Variants in PRELID2 observed in about 807,000 individuals in gnomAD.
PRELID2 encodes PRELI domain containing 2, also known as PRELI domain-containing protein 2.
Under a neutral mutation model 28.4 loss-of-function variants are expected in PRELID2, and 25 were observed. That is an observed-to-expected ratio of 0.88 (90% CI 0.64 to 1.23). PRELID2 has a LOEUF of 1.23. PRELID2 is among the 50% of genes most tolerant of loss of function. The pLI is 0.00. For synonymous variants in PRELID2, 76 were observed against 71.6 expected (o/e 1.06, Z -0.31); for missense variants, 201 against 214.4 (o/e 0.94, Z 0.39).
intron 1 of PRELID2, among the ~76,000 whole-genome samples, chr5:145,650,350 T>A (rs1754269435): frequency 6.6e-6 from 1 of 151,930 alleles, no homozygotes; most frequent in East Asian, 1.9e-4. Context: ...CCTCAGATCT[T>A]TACCTGATCC....
the PRELID2 span, among the ~76,000 whole-genome samples, chr5:145,405,282 A>G: frequency 2.6e-4 from 40 of 152,268 alleles, no homozygotes; most frequent in Middle Eastern, 0.014. Flanking sequence ...ACTTAACAGC[A>G]CTGTTTTTTC....
At chr5:145,338,483 T>A in the PRELID2 span, 1 of 152,250 alleles carries the variant, frequency 6.6e-6, no homozygotes, top group Non-Finnish European at 1.5e-5. Context: ...TTGGTTTTTA[T>A]ACTCCTGTGA....
At chr5:145,291,472 G>T in the PRELID2 span, among the ~76,000 whole-genome samples, 1 of 151,868 alleles carries the variant, frequency 6.6e-6, no homozygotes, top group Admixed American at 6.6e-5. Context: ...GGCAAGGAAA[G>T]GTGCCTCCTA....
At chr5:145,498,962 T>C (rs1419779019) in intron 1 of PRELID2, among the ~76,000 whole-genome samples, 1 of 152,074 alleles carries the variant, frequency 6.6e-6, no homozygotes, top group African/African-American at 2.4e-5. Context: ...CATGATATAC[T>C]ACTGAGTTAA....
Position 145,649,572 on chromosome 5 carries a change from C to T in PRELID2, n.70+115359G>A, listed in dbSNP as rs182832621. ...ACCTCGTCATAAGTCAAGGAGCATC[C>T]GTACTCTCTTCTCTATTTTCCATCC... On this transcript the variant is annotated intron_variant and non_coding_transcript_variant, in intron 1 of 2. Coordinates refer to the PRELID2 transcript ENST00000510259. Among the ~76,000 whole-genome samples the T allele has an allele frequency of 2.0e-3, 304 of 152,194 alleles. 2 individuals are homozygous for T. The highest frequency in any genetic ancestry group is 6.9e-3 in the African/African-American group (286 of 41,540).
the PRELID2 span, among the ~76,000 whole-genome samples, chr5:145,417,500 TA>T: frequency 2.0e-5 from 3 of 152,096 alleles, no homozygotes; most frequent in African/African-American, 7.2e-5. Context: ...AACTTCTCAA[TA>T]AAATACTGGC....
At chr5:145,799,259 A>G (rs887361090) in intron 4 of PRELID2, among the ~76,000 whole-genome samples, 2 of 151,486 alleles carry the variant, frequency 1.3e-5, no homozygotes, top group African/African-American at 4.8e-5. Flanking sequence ...AGACAAAAAT[A>G]CTACATCCAG....
At chr5:145,684,506 C>T (rs1018188860) in intron 1 of PRELID2, among the ~76,000 whole-genome samples, 1 of 152,188 alleles carries the variant, frequency 6.6e-6, no homozygotes, top group African/African-American at 2.4e-5. Context: ...GGTTAGCTTT[C>T]ATTTTGTGCT....
intron 1 of PRELID2, among the ~76,000 whole-genome samples, chr5:145,592,124 C>T (rs1284717061): frequency 6.6e-6 from 1 of 152,104 alleles, no homozygotes; most frequent in African/African-American, 2.4e-5. Context: ...CATTAGAAAA[C>T]TTGTTAAATC....
intron 1 of PRELID2, among the ~76,000 whole-genome samples, chr5:145,701,051 T>TG (rs1400482813): frequency 6.6e-6 from 1 of 152,222 alleles, no homozygotes; most frequent in Non-Finnish European, 1.5e-5. Context: ...TAGGTGCCAC[T>TG]GCAGGCTCAG....
chr5:145,791,236 A>T (rs1304908880), intron 5 of PRELID2, among the ~76,000 whole-genome samples: 1 of 152,096 alleles, frequency 6.6e-6, no homozygotes, highest in Non-Finnish European at 1.5e-5. Context: ...AGGATGGAGG[A>T]AACAGCCCCC....
chr5:145,390,909 T>G, the PRELID2 span, among the ~76,000 whole-genome samples: 3 of 152,198 alleles, frequency 2.0e-5, no homozygotes, highest in African/African-American at 7.2e-5. Context: ...ACAGGCCCCA[T>G]GCAAGTCCAA....
chr5:145,419,965 C>A, the PRELID2 span, among the ~76,000 whole-genome samples: 44 of 152,008 alleles, frequency 2.9e-4, no homozygotes, highest in Non-Finnish European at 5.2e-4. Flanking sequence ...CCAGTTTTCC[C>A]AGCACCATTT....
the PRELID2 span, among the ~76,000 whole-genome samples, chr5:145,347,646 G>A: frequency 6.6e-6 from 1 of 152,030 alleles, no homozygotes; most frequent in African/African-American, 2.4e-5. Context: ...GAGCAGTGAG[G>A]TGGTTGAGGG....
the PRELID2 span, among the ~76,000 whole-genome samples, chr5:145,281,688 C>T: frequency 2.6e-5 from 4 of 152,128 alleles, no homozygotes; most frequent in Non-Finnish European, 5.9e-5. Flanking sequence ...AGTAGAAAGC[C>T]TTGTTTGTAT....
chr5:145,492,411 G>A lies in PRELID2; in HGVS notation n.71-19096C>T, dbSNP rs1274212309. On this transcript the variant is annotated intron_variant and non_coding_transcript_variant, in intron 1 of 2. Transcript: ENST00000510259. ...TGCTAATAAATTCCTTATATATTTTGGATATTGACCCCTTATCAGATGTAT... is the reference window on the plus strand; with the variant it reads ...TGCTAATAAATTCCTTATATATTTTAGATATTGACCCCTTATCAGATGTAT... 2.0e-5 allele frequency among the ~76,000 whole-genome samples: 2 copies of A among 98,444 alleles called. 1 individual carries two copies. Among genetic ancestry groups the A allele is most frequent in the African/African-American group, 6.0e-5 (2 of 33,236 alleles). The allele number at this position is 98,444 out of a possible 152,430, so 64.6% of individuals were successfully genotyped here.
chr5:145,665,975 T>C (rs1046254544), intron 1 of PRELID2, among the ~76,000 whole-genome samples: 4 of 143,424 alleles, frequency 2.8e-5, no homozygotes, highest in African/African-American at 1.1e-4. Flanking sequence ...ATAGCAAACT[T>C]GTCTTTTTTT....
intron 1 of PRELID2, among the ~76,000 whole-genome samples, chr5:145,662,710 T>C (rs981067443): frequency 2.0e-5 from 3 of 152,074 alleles, no homozygotes; most frequent in Non-Finnish European, 4.4e-5. Flanking sequence ...TGAGCTAGCA[T>C]GTGAACAGGC....
At chr5:145,600,434 A>AAAAAAATATATATATATATATATAT (rs1315631607) in intron 1 of PRELID2, among the ~76,000 whole-genome samples, 1 of 120,110 alleles carries the variant, frequency 8.3e-6, no homozygotes, top group African/African-American at 4.1e-5. Flanking sequence ...AAAAAAAAAA[A>AAAAAAATATATATATATATATATAT]ATATATATAT....
Sources: gnomAD v4.1 joint callset for allele counts (sites outside exome capture counted in the v4.1 genomes callset) on GRCh38, gnomAD v4.1.1 for gene constraint, MANE v1.5 for transcripts, NCBI Gene and HGNC (gene_info 2026-07-23, HGNC 2026-07-21) for gene names.